The following AGO4 variants were observed in gnomAD, a reference collection of about 807,000 sequenced individuals.
AGO4 encodes argonaute RISC component 4.
A neutral mutation model predicts 104.7 loss-of-function variants in AGO4; 33 were observed. The observed-to-expected ratio is 0.32, with a 90% CI of 0.24 to 0.42. The LOEUF is 0.42. AGO4 is among the 10% of genes least tolerant of loss of function. The pLI, the probability that AGO4 is intolerant of heterozygous loss-of-function variation, is 1.00. For synonymous variants in AGO4, 331 were observed against 364.7 expected, an observed-to-expected ratio of 0.91 and a Z score of 1.05; for missense variants, 711 against 1,083.4, an observed-to-expected ratio of 0.66 and a Z score of 4.83.
At chr1:35,823,763 T>A (rs945616636) in intron 3 of AGO4, among the ~76,000 whole-genome samples, 1 of 151,370 alleles carries the variant, frequency 6.6e-6, no homozygotes, top group Non-Finnish European at 1.5e-5. Context: ...TTTTTTTTTT[T>A]AGTACAGATG....
chr1:35,837,142 G>A (rs1286680251), intron 13 of AGO4, among the ~76,000 whole-genome samples: 1 of 151,562 alleles, frequency 6.6e-6, no homozygotes. Flanking sequence ...GAGTGCAATG[G>A]CATGATCTTG....
chr1:35,818,625 AAAAGAAAGAAAGAAAGAAAGAAAG>A (rs60952067), intron 2 of AGO4, among the ~76,000 whole-genome samples: 3 of 126,018 alleles, frequency 2.4e-5, no homozygotes, highest in Non-Finnish European at 4.9e-5. Flanking sequence ...CTCTGTCTCA[AAAAGAAAGAAAGAAAGAAAGAAAG>A]AAAGAAAGAA....
intron 2 of AGO4, among the ~76,000 whole-genome samples, chr1:35,819,318 G>A (rs1221191400): frequency 6.6e-6 from 1 of 150,948 alleles, no homozygotes; most frequent in Non-Finnish European, 1.5e-5. Flanking sequence ...AGTGGAGATC[G>A]GCTGTGGTAG....
At chr1:35,850,286 G>T in intron 16 of AGO4, 28 bp downstream of exon 16, 1 of 1,551,904 alleles carries the variant, frequency 6.4e-7, no homozygotes, top group South Asian at 1.1e-5. Context: ...TCAGATCTTT[G>T]ACTTGATAGG....
chr1:35,825,200 A>G, intron 3 of AGO4, 113 bp from the exon 4 acceptor site: 1 of 1,080,986 alleles, frequency 9.3e-7, no homozygotes, highest in Non-Finnish European at 1.3e-6. Flanking sequence ...ACACAATTGT[A>G]AAAAAAAGTT....
Position 35,849,910 on chromosome 1 carries a change from C to T in AGO4, c.2176-247C>T, listed in dbSNP as rs544182802. On this transcript the variant is annotated intron_variant, in intron 15 of 17. Coordinates refer to ENST00000373210, the MANE Select transcript of AGO4 (RefSeq NM_017629.4). Reference sequence around the variant, plus strand: ...ATAATAATGTTGTAGCCCAAAGCCACGGGTAAAATATTTTTGTCCGTATCC... The same window carrying T: ...ATAATAATGTTGTAGCCCAAAGCCATGGGTAAAATATTTTTGTCCGTATCC... Among the ~76,000 whole-genome samples, 13 of 152,124 alleles carry T rather than the reference C, an allele frequency of 8.5e-5. No homozygotes were observed. In the South Asian group the frequency reaches 2.5e-3, roughly 29 times the overall value.
At position 35,808,650 on chromosome 1, in the gene AGO4, G is replaced by A. The variant is rs547183301; in HGVS notation, c.19+215G>A. Among the ~76,000 whole-genome samples, 1 of 152,112 alleles carries A rather than the reference G, an allele frequency of 6.6e-6. No individual in the cohort carries two copies. Among genetic ancestry groups the A allele is most frequent in the Non-Finnish European group, 1.5e-5 (1 of 67,998 alleles). ...CCGTTGGGTGGATCCCGAGGTCCAG[G>A]GGGGAGGTTCGGGAAGGTGACCGGC... On this transcript the variant is annotated intron_variant, in intron 1 of 17. Coordinates refer to ENST00000373210, the MANE Select transcript of AGO4 (RefSeq NM_017629.4). The surrounding 1 kb of genome is among the most constrained non-coding windows in gnomAD (Gnocchi z 5.2).
intron 11 of AGO4, among the ~76,000 whole-genome samples, chr1:35,833,737 A>T (rs1644240359): frequency 6.6e-6 from 1 of 152,258 alleles, no homozygotes; most frequent in Non-Finnish European, 1.5e-5. Context: ...ATAATTATTT[A>T]AAAATTTCAG....
intron 3 of AGO4, among the ~76,000 whole-genome samples, chr1:35,823,752 AT>A (rs1003103772): frequency 5.4e-5 from 8 of 147,160 alleles, no homozygotes; most frequent in African/African-American, 1.5e-4. Context: ...TATTATTATT[AT>A]TTTTTTTTTT....
At chr1:35,846,383 G>T (rs1360569250) in intron 15 of AGO4, among the ~76,000 whole-genome samples, 2 of 151,884 alleles carry the variant, frequency 1.3e-5, no homozygotes, top group Non-Finnish European at 2.9e-5. Flanking sequence ...GGATCACAAG[G>T]TCAGGAGATC....
chr1:35,833,910 G>A, intron 11 of AGO4, 80 bp from the exon 12 acceptor site: 3 of 1,199,364 alleles, frequency 2.5e-6, no homozygotes, highest in East Asian at 2.8e-5. Flanking sequence ...CAAAACTGAA[G>A]GAAGTATTTC....
In AGO4 at chr1:35,816,798, C is replaced by CAAAAA. The variant is rs72065876; in HGVS notation, c.20-65_20-61dup. 13 of 1,041,054 alleles carry CAAAAA rather than the reference C, an allele frequency of 1.2e-5. No homozygotes were observed. The African/African-American group carries it at 2.2e-4, about 18-fold the overall frequency. The allele number at this position is 1,041,054 out of a possible 1,614,324, so 64.5% of individuals were successfully genotyped here. A position where few individuals can be genotyped will look rare whatever the true frequency, so the allele number is the denominator to read the frequency against. ...TGGGTGAAAGAGCGAAACTCTGTCTCAAAAAAAAAAAAAAAAAAAAAAAGA... is the reference window on the plus strand; with the variant it reads ...TGGGTGAAAGAGCGAAACTCTGTCTCAAAAAAAAAAAAAAAAAAAAAAAAAAAAGA... On this transcript the variant is annotated intron_variant, in intron 1 of 17. Coordinates refer to ENST00000373210, the MANE Select transcript of AGO4 (RefSeq NM_017629.4).
intron 15 of AGO4, among the ~76,000 whole-genome samples, chr1:35,847,102 T>C (rs1351495789): frequency 6.6e-6 from 1 of 152,114 alleles, no homozygotes; most frequent in Non-Finnish European, 1.5e-5. Flanking sequence ...ATCTTTTGGC[T>C]TCCTTGGACC....
intron 7 of AGO4, among the ~76,000 whole-genome samples, chr1:35,830,765 C>T (rs546216679): frequency 6.6e-5 from 10 of 151,900 alleles, no homozygotes; most frequent in African/African-American, 2.4e-4. Context: ...CACCTGAAGT[C>T]GGGAGTTCTA....
chr1:35,826,122 C>G, intron 6 of AGO4, 62 bp downstream of exon 6: 1 of 1,591,202 alleles, frequency 6.3e-7, no homozygotes, highest in South Asian at 1.1e-5. Flanking sequence ...GTTGCCTGTG[C>G]TCTGGAGTCA....
intron 4 of AGO4, 65 bp downstream of exon 4, chr1:35,825,559 C>A (rs1643998702): frequency 1.3e-6 from 2 of 1,554,394 alleles, no homozygotes; most frequent in South Asian, 1.2e-5. Context: ...TGTACTGGAG[C>A]CATTGAAAAA....
rs1173101148 is a variant in AGO4 at position 35,808,562 on chromosome 1, C to T, written c.19+127C>T. On this transcript the variant is annotated intron_variant, in intron 1 of 17. Coordinates refer to ENST00000373210, the MANE Select transcript of AGO4 (RefSeq NM_017629.4). The surrounding 1 kb of genome is among the most constrained non-coding windows in gnomAD (Gnocchi z 5.2). ...AGGCCTCGGGGAAGGGGACCCGAGC[C>T]CCGCAGCACGAAGCGGAGGGAGCTG... 5.1e-5 allele frequency: 45 copies of T among 876,204 alleles called. No homozygotes were observed. The East Asian group carries it at 7.8e-4, about 15-fold the overall frequency. 54.3% of individuals were successfully genotyped at this position (876,204 alleles called of 1,614,324 possible).
intron 1 of AGO4, among the ~76,000 whole-genome samples, chr1:35,816,522 C>T (rs147490106): frequency 6.6e-6 from 1 of 152,016 alleles, no homozygotes; most frequent in South Asian, 2.1e-4. Context: ...CACAGCAGGC[C>T]AGGTGCGGTG....
chr1:35,826,933 G>A (rs1644035893), intron 7 of AGO4, 98 bp downstream of exon 7: 1 of 1,239,446 alleles, frequency 8.1e-7, no homozygotes, highest in Non-Finnish European at 1.1e-6. Context: ...CGGGCACAGT[G>A]GCTCACACCT....
Sources: gnomAD v4.1 joint callset for allele counts (sites outside exome capture counted in the v4.1 genomes callset) on GRCh38, gnomAD v4.1.1 for gene constraint, Gnocchi (gnomAD v3.1) non-coding constraint, MANE v1.5 for transcripts, NCBI Gene and HGNC (gene_info 2026-07-23, HGNC 2026-07-21) for gene names.